Variants in POFUT4 observed in about 807,000 individuals in gnomAD.
POFUT4 encodes GDP-fucose protein O-fucosyltransferase 4.
At chr10:73,778,812 GTTTGACCT>G in the POFUT4 span, 21 of 152,074 alleles carry the variant, frequency 1.4e-4, no homozygotes, top group Admixed American at 7.9e-4. Flanking sequence ...TGCTTACCCT[GTTTGACCT>G]TTTGCAGAAA....
the POFUT4 span, chr10:73,772,555 C>CT: frequency 6.4e-7 from 1 of 1,574,524 alleles, no homozygotes; most frequent in Non-Finnish European, 8.6e-7. Flanking sequence ...AGGCGGGGGA[C>CT]TTGCCGGTAC....
chr10:73,773,279 G>C, the POFUT4 span: 2 of 1,614,044 alleles, frequency 1.2e-6, no homozygotes, highest in African/African-American at 1.3e-5. Flanking sequence ...AGGATCCAGA[G>C]CTCTTGGCTT....
At chr10:73,772,837 C>T in the POFUT4 span, 3,466 of 1,612,376 alleles carry the variant, frequency 2.1e-3, 5 homozygotes, top group Non-Finnish European at 2.7e-3. Flanking sequence ...TCAATCTTAC[C>T]TCCACCTTCA....
chr10:73,773,132 CAGGTG>C, the POFUT4 span: 1 of 836,752 alleles, frequency 1.2e-6, no homozygotes, highest in Non-Finnish European at 1.8e-6. Context: ...TCCAGGACTC[CAGGTG>C]TCCAGGCCTC....
chr10:73,772,459 G>T, the POFUT4 span: 1 of 1,556,056 alleles, frequency 6.4e-7, no homozygotes, highest in Non-Finnish European at 8.7e-7. Flanking sequence ...CGGAACCGTG[G>T]GATGGCGCGG....
chr10:73,774,478 T>C, the POFUT4 span: 2 of 151,852 alleles, frequency 1.3e-5, no homozygotes, highest in African/African-American at 4.8e-5. Flanking sequence ...CCAGAGACAA[T>C]ATAATATATA....
the POFUT4 span, chr10:73,778,704 C>G: frequency 6.6e-6 from 1 of 152,092 alleles, no homozygotes; most frequent in Non-Finnish European, 1.5e-5. Context: ...AGGATGCGGC[C>G]AAGAAAAGCT....
At chr10:73,779,823 CT>C in the POFUT4 span, 1 of 152,328 alleles carries the variant, frequency 6.6e-6, no homozygotes, top group East Asian at 1.9e-4. Context: ...TCCTTTCATA[CT>C]TTTACGTATA....
At chr10:73,779,981 G>A in the POFUT4 span, 32 of 152,308 alleles carry the variant, frequency 2.1e-4, no homozygotes, top group African/African-American at 6.5e-4. Flanking sequence ...TTCCACAAGG[G>A]AAAGTAGAAC....
At chr10:73,772,380 TCA>T in the POFUT4 span, 12 of 1,559,040 alleles carry the variant, frequency 7.7e-6, no homozygotes, top group Non-Finnish European at 1.0e-5. Context: ...CTAGGGGTGC[TCA>T]GTGTCTGTGC....
the POFUT4 span, among the ~76,000 whole-genome samples, chr10:73,778,391 CAAA>C: frequency 1.4e-4 from 6 of 43,052 alleles, no homozygotes; most frequent in Non-Finnish European, 1.5e-4. Context: ...AACTCCATCC[CAAA>C]AAAAAAAAAA....
the POFUT4 span, among the ~76,000 whole-genome samples, chr10:73,776,383 ATT>A: frequency 1.2e-4 from 17 of 138,362 alleles, no homozygotes; most frequent in South Asian, 2.3e-4. Context: ...CCCAGCCCTA[ATT>A]TTTTTTTTTT....
At chr10:73,774,660 A>G in the POFUT4 span, 1 of 152,110 alleles carries the variant, frequency 6.6e-6, no homozygotes, top group Non-Finnish European at 1.5e-5. Context: ...GGATCGTGCC[A>G]CTGCATTCCA....
the POFUT4 span, chr10:73,778,850 A>T: frequency 2.0e-5 from 3 of 152,202 alleles, no homozygotes; most frequent in Admixed American, 2.0e-4. Context: ...GGGAAGACAG[A>T]CCTTCAGGCT....
At chr10:73,776,534 A>T in the POFUT4 span, among the ~76,000 whole-genome samples, 4 of 152,134 alleles carry the variant, frequency 2.6e-5, no homozygotes, top group Non-Finnish European at 4.4e-5. Flanking sequence ...TAAAAGAATT[A>T]GCAGGGCATG....
the POFUT4 span, chr10:73,775,934 A>G: frequency 4.0e-6 from 2 of 494,254 alleles, no homozygotes. Flanking sequence ...TAAAACATCC[A>G]TTTGATTCAA....
chr10:73,773,452 T>C, the POFUT4 span: 4 of 1,614,244 alleles, frequency 2.5e-6, no homozygotes, highest in Admixed American at 3.3e-5. Context: ...GTCATCCTGA[T>C]TGATGATTTT....
chr10:73,772,456 G>A, the POFUT4 span: 5 of 1,559,938 alleles, frequency 3.2e-6, no homozygotes, highest in Non-Finnish European at 3.5e-6. Flanking sequence ...GGGCGGAACC[G>A]TGGGATGGCG....
At chr10:73,773,664 G>A in the POFUT4 span, 1 of 1,614,238 alleles carries the variant, frequency 6.2e-7, no homozygotes, top group Non-Finnish European at 8.5e-7. Flanking sequence ...CTGTGACTAC[G>A]AACTGGCTCG....
Sources: gnomAD v4.1 joint callset for allele counts (sites outside exome capture counted in the v4.1 genomes callset) on GRCh38, gnomAD v4.1.1 for gene constraint, MANE v1.5 for transcripts, NCBI Gene and HGNC (gene_info 2026-07-23, HGNC 2026-07-21) for gene names.